The following ADCY9 variants were observed in gnomAD, a reference collection of about 807,000 sequenced individuals.
ADCY9 encodes adenylate cyclase 9, also known as adenylate cyclase type 9.
ADCY9 carries 50 observed loss-of-function variants against 101.5 expected under a neutral mutation model. That is an observed-to-expected ratio of 0.49 (90% confidence interval 0.39 to 0.62). ADCY9 has a LOEUF of 0.62. ADCY9 is among the 20% of genes least tolerant of loss of function. ADCY9 has a pLI of 0.00. For missense variants in ADCY9, 1,662 were observed against 1,800.4 expected (o/e 0.92, Z 1.39); for synonymous variants, 905 against 769.3 (o/e 1.18, Z -2.92).
At chr16:3,978,810 C>G (rs2056114998) in intron 8 of ADCY9, among the ~76,000 whole-genome samples, 3 of 152,198 alleles carry the variant, frequency 2.0e-5, no homozygotes, top group Non-Finnish European at 4.4e-5. Flanking sequence ...ACCTCTGCCT[C>G]CCAGGTTCAA....
chr16:4,110,949 C>T (rs1453809808), intron 2 of ADCY9, among the ~76,000 whole-genome samples: 1 of 152,246 alleles, frequency 6.6e-6, no homozygotes, highest in Non-Finnish European at 1.5e-5. Flanking sequence ...AGTCGAGTCC[C>T]ACCTCCTACC....
At chr16:3,981,024 A>G (rs146445816) in intron 7 of ADCY9, among the ~76,000 whole-genome samples, 2 of 152,338 alleles carry the variant, frequency 1.3e-5, no homozygotes, top group African/African-American at 4.8e-5. Flanking sequence ...GGGTGCCCGT[A>G]TACCCCACAG....
chr16:4,027,550 A>G (rs1242285144), intron 2 of ADCY9, among the ~76,000 whole-genome samples: 1 of 152,158 alleles, frequency 6.6e-6, no homozygotes, highest in African/African-American at 2.4e-5. Flanking sequence ...CAGGGAAGAG[A>G]GAGAGTGTGT....
In ADCY9 at chr16:4,054,720, G is replaced by A. The variant is rs574379465; in HGVS notation, c.1694-47162C>T. On this transcript the variant is annotated intron_variant, in intron 2 of 10. Coordinates refer to ENST00000294016, the MANE Select transcript of ADCY9 (RefSeq NM_001116.4). Reference sequence around the variant, plus strand: ...CGAGTAGCTGGGACTACAGGTGCCCGCCACCATGCCCGGCTAATTTTGTAT... The same window carrying A: ...CGAGTAGCTGGGACTACAGGTGCCCACCACCATGCCCGGCTAATTTTGTAT... 6.6e-5 allele frequency among the ~76,000 whole-genome samples: 10 copies of A among 152,046 alleles called. No individual in the cohort carries two copies. The East Asian group carries it at 9.7e-4, about 15-fold the overall frequency.
At position 3,993,439 on chromosome 16, in the gene ADCY9, G is replaced by C. The variant is rs780559672; in HGVS notation, c.1956C>G (p.Asn652Lys). 3.7e-6 allele frequency: 6 copies of C among 1,614,102 alleles called. No homozygotes were observed. The African/African-American group carries it at 8.0e-5, about 22-fold the overall frequency. Residue 652 changes from asparagine (N) to lysine (K), a missense_variant, in exon 4 of 11, where the codon AAC becomes AAG. By Grantham distance (94) the Asn-to-Lys change is moderately conservative. Coordinates refer to ENST00000294016, the MANE Select transcript of ADCY9 (RefSeq NM_001116.4). The stretch of plus-strand genomic sequence containing the variant: ...TGTTTTTATGCTCGTCTTGGCAGCC[G>C]TTTTGAGGTGCTCCTCCCTCGGCGC... The part of the protein sequence containing the change: ...EAGAEGGAPQ[N>K]GCQDEHKNST...
At chr16:4,040,247 T>C (rs2056617768) in intron 2 of ADCY9, among the ~76,000 whole-genome samples, 1 of 152,146 alleles carries the variant, frequency 6.6e-6, no homozygotes, top group Non-Finnish European at 1.5e-5. Flanking sequence ...AATTCAGGTG[T>C]AGGGACATTA....
intron 2 of ADCY9, among the ~76,000 whole-genome samples, chr16:4,068,419 A>G (rs2056813233): frequency 6.6e-6 from 1 of 152,136 alleles, no homozygotes; most frequent in South Asian, 2.1e-4. Context: ...ATATCCTTCA[A>G]TGCATGTATT....
rs139040779 is a variant in ADCY9, at chr16:4,062,634, T to C, written c.1693+51116A>G. 8.1e-3 allele frequency among the ~76,000 whole-genome samples: 1,230 copies of C among 152,226 alleles called. 10 individuals are homozygous for C. Among genetic ancestry groups the C allele is most frequent in the Non-Finnish European group, 0.014 (946 of 68,020 alleles). On this transcript the variant is annotated intron_variant, in intron 2 of 10. Coordinates refer to ENST00000294016, the MANE Select transcript of ADCY9 (RefSeq NM_001116.4). ...ATTCAAGGTTATAGTGAGCTATGAT[T>C]GTGCCACTGCACTCCAGCCTGGGTG...
At position 3,983,424 on chromosome 16, in the gene ADCY9, G is replaced by A. The variant is rs1386171256; in HGVS notation, c.2327C>T (p.Pro776Leu). ...SYQEEVIKNSPVKTFASPTFS... is the reference protein window; with the variant it reads ...SYQEEVIKNSLVKTFASPTFS... ...GGTGGGACTAGCAAACGTCTTCACG[G>A]GGGAGTTCTTTATGACCTGTGTGGA... The change falls in exon 7 of 11, where the codon CCC (proline) becomes CTC (leucine). Residue 776 changes from proline to leucine, a missense_variant. By Grantham distance (98) the Pro-to-Leu change is moderately conservative (BLOSUM62 -3). Around this residue, in one of 5 missense-constraint regions of ADCY9, gnomAD observed 624 missense variants for 639.1 expected, o/e 0.98. Transcript: ENST00000294016. The A allele has an allele frequency of 6.2e-7, 1 of 1,605,570 alleles. No individual in the cohort carries two copies. The highest frequency in any genetic ancestry group is 8.5e-7 in the Non-Finnish European group (1 of 1,175,684).
At chr16:4,061,676 A>G (rs1021992744) in intron 2 of ADCY9, among the ~76,000 whole-genome samples, 1 of 152,330 alleles carries the variant, frequency 6.6e-6, no homozygotes. Flanking sequence ...AAGACAGAAA[A>G]TTTGTTACTG....
chr16:4,027,758 T>C (rs1167444065), intron 2 of ADCY9, among the ~76,000 whole-genome samples: 1 of 151,704 alleles, frequency 6.6e-6, no homozygotes, highest in African/African-American at 2.4e-5. Flanking sequence ...ATGCCTGTAA[T>C]CCCAGCTACT....
downstream of ADCY9, among the ~76,000 whole-genome samples, chr16:3,960,537 C>T (rs576562249): frequency 6.6e-5 from 10 of 151,556 alleles, no homozygotes; most frequent in East Asian, 7.7e-4. Flanking sequence ...AACCAAGCAA[C>T]GAAACAACAA....
chr16:4,025,687 G>A (rs944485767), intron 2 of ADCY9, among the ~76,000 whole-genome samples: 14 of 152,334 alleles, frequency 9.2e-5, no homozygotes, highest in East Asian at 3.9e-4. Context: ...GGCAGCCCAC[G>A]GGAAGGCAGC....
At chr16:4,076,879 C>G (rs562903725) in intron 2 of ADCY9, among the ~76,000 whole-genome samples, 285 of 152,150 alleles carry the variant, frequency 1.9e-3, no homozygotes, top group African/African-American at 6.7e-3. Flanking sequence ...GAGTCCGAGA[C>G]CAGCTTGGCC....
At chr16:4,095,686 G>A (rs1428332104) in intron 2 of ADCY9, among the ~76,000 whole-genome samples, 1 of 151,998 alleles carries the variant, frequency 6.6e-6, no homozygotes, top group Non-Finnish European at 1.5e-5. Context: ...AAATCAAACA[G>A]GATTCCCAGA....
chr16:4,093,421 C>G (rs1410144036), intron 2 of ADCY9, among the ~76,000 whole-genome samples: 1 of 152,180 alleles, frequency 6.6e-6, no homozygotes, highest in Non-Finnish European at 1.5e-5. Flanking sequence ...ACATTTACAT[C>G]AAATTATAAT....
intron 3 of ADCY9, among the ~76,000 whole-genome samples, chr16:4,003,476 TC>T (rs1319248722): frequency 6.6e-6 from 1 of 151,960 alleles, no homozygotes; most frequent in Non-Finnish European, 1.5e-5. Flanking sequence ...CTCCCAGCAA[TC>T]CCGAGAGGTC....
At chr16:4,097,669 C>G (rs1234200176) in intron 2 of ADCY9, among the ~76,000 whole-genome samples, 1 of 149,470 alleles carries the variant, frequency 6.7e-6, no homozygotes. Context: ...GCCTCAGCTT[C>G]CCGAGTAGCT....
intron 2 of ADCY9, among the ~76,000 whole-genome samples, chr16:4,085,435 G>A (rs923805997): frequency 2.0e-5 from 3 of 152,076 alleles, no homozygotes; most frequent in Admixed American, 6.6e-5. Context: ...CAGCCCCCAG[G>A]AGCCCTCCGT....
Sources: gnomAD v4.1 joint callset for allele counts (sites outside exome capture counted in the v4.1 genomes callset) on GRCh38, gnomAD v4.1.1 for gene constraint, gnomAD v4.1.1 regional missense constraint, MANE v1.5 for transcripts, NCBI Gene and HGNC (gene_info 2026-07-23, HGNC 2026-07-21) for gene names.